ZMYND8: variants seen among roughly 807,000 people sequenced by gnomAD.
ZMYND8 encodes the protein zinc finger MYND-type containing 8.
Under a neutral mutation model 140.8 loss-of-function variants are expected in ZMYND8, and 37 were observed. That is an observed-to-expected ratio of 0.26 (90% CI 0.20 to 0.35). ZMYND8 has a LOEUF of 0.35. Among genes scored for constraint, ZMYND8 ranks in the 10% least tolerant of loss-of-function variants. The pLI, the probability that ZMYND8 is intolerant of heterozygous loss-of-function variation, is 1.00. For missense variants in ZMYND8, 1,068 were observed against 1,570.0 expected, an observed-to-expected ratio of 0.68 and a Z score of 5.40; for synonymous variants, 592 against 597.1, an observed-to-expected ratio of 0.99 and a Z score of 0.12.
At chr20:47,254,303 C>T (rs2074417240) in intron 12 of ZMYND8, among the ~76,000 whole-genome samples, 1 of 152,196 alleles carries the variant, frequency 6.6e-6, no homozygotes, top group African/African-American at 2.4e-5. Context: ...CTTTAGAGGG[C>T]AGTTGGGCGA....
chr20:47,228,087 T>C (rs1419966720), intron 17 of ZMYND8, among the ~76,000 whole-genome samples: 2 of 141,384 alleles, frequency 1.4e-5, no homozygotes, highest in African/African-American at 2.8e-5. Flanking sequence ...AGCGAGACTC[T>C]TCTCAAAAAA....
chr20:47,348,859 A>T (rs1167431848), intron 1 of ZMYND8: 3 of 152,254 alleles, frequency 2.0e-5, no homozygotes, highest in Non-Finnish European at 1.5e-5. Context: ...TTGAGGTGCT[A>T]GAACTTTCCA....
intron 22 of ZMYND8, among the ~76,000 whole-genome samples, chr20:47,211,872 G>A (rs1420561622): frequency 2.0e-5 from 3 of 152,162 alleles, no homozygotes. Context: ...AAAAAGGCAT[G>A]TGTGGGTAAT....
At chr20:47,268,507 A>G (rs532505602) in intron 11 of ZMYND8, among the ~76,000 whole-genome samples, 34 of 151,184 alleles carry the variant, frequency 2.2e-4, no homozygotes, top group African/African-American at 7.5e-4. Context: ...GTTAGCCAGG[A>G]TGGTCTCGAT....
At chr20:47,319,967 C>T (rs1429882793) in intron 2 of ZMYND8, 2 of 152,096 alleles carry the variant, frequency 1.3e-5, no homozygotes, top group African/African-American at 2.4e-5. Context: ...AACCGGTTGC[C>T]TCTGGCCTTT....
chr20:47,294,454 A>C (rs1233636790), intron 5 of ZMYND8, among the ~76,000 whole-genome samples: 2 of 152,210 alleles, frequency 1.3e-5, no homozygotes, highest in Non-Finnish European at 2.9e-5. Flanking sequence ...CTAATGTACC[A>C]ATTAAACTCC....
chr20:47,356,013 AC>A (rs2083205015), intron 1 of ZMYND8, among the ~76,000 whole-genome samples: 1 of 152,112 alleles, frequency 6.6e-6, no homozygotes, highest in Non-Finnish European at 1.5e-5. Flanking sequence ...ATAAGAGAAG[AC>A]CGTGTACAGA....
intron 10 of ZMYND8, among the ~76,000 whole-genome samples, chr20:47,278,601 G>A (rs1443061839): frequency 6.6e-6 from 1 of 151,966 alleles, no homozygotes; most frequent in Non-Finnish European, 1.5e-5. Context: ...AATACAGGCG[G>A]ATTGTTTGCA....
intron 2 of ZMYND8, chr20:47,319,154 G>A (rs1167731500): frequency 4.2e-6 from 3 of 714,920 alleles, no homozygotes; most frequent in Admixed American, 2.6e-5. Context: ...CGCCCGGCGG[G>A]GCAAGGACAC....
intron 2 of ZMYND8, among the ~76,000 whole-genome samples, chr20:47,317,685 C>T (rs1430622625): frequency 6.6e-6 from 1 of 152,164 alleles, no homozygotes; most frequent in Non-Finnish European, 1.5e-5. Flanking sequence ...AGCTGGGTCC[C>T]GGGCAAACCA....
chr20:47,239,051 G>A lies in ZMYND8; in HGVS notation c.2372C>T (p.Ser791Phe). 3 of 1,576,898 alleles carry A rather than the reference G, an allele frequency of 1.9e-6. No homozygotes were observed. The highest frequency in any genetic ancestry group is 2.6e-6 in the Non-Finnish European group (3 of 1,159,386). ...PVLTRSSAQT[S>F]AAGATATTST... The stretch of plus-strand genomic sequence containing the variant: ...GGTGGTGGCTGTGGCGCCAGCCGCG[G>A]AAGTTTGGGCGGAAGAGCGGGTGAG... The change falls in exon 15 of 23, where the codon TCC becomes TTC. Residue 791 changes from serine to phenylalanine, a missense_variant. Physicochemically the swap from Ser to Phe is radical, Grantham distance 155. Transcript: ENST00000471951.
chr20:47,293,516 T>C (rs2077437077), intron 5 of ZMYND8, among the ~76,000 whole-genome samples: 1 of 152,162 alleles, frequency 6.6e-6, no homozygotes, highest in Non-Finnish European at 1.5e-5. Context: ...ATCTCAAAAC[T>C]GAAGGAACTA....
rs966626713 is a variant in ZMYND8, at chr20:47,220,290, G to A, written c.3452C>T (p.Ser1151Phe). 1.5e-5 allele frequency: 24 copies of A among 1,565,134 alleles called. No homozygotes were observed. The highest frequency in any genetic ancestry group is 2.0e-5 in the Non-Finnish European group (23 of 1,153,836). The change falls in exon 21 of 23, where the codon TCC (serine) becomes TTC (phenylalanine). Residue 1151 changes from serine (S) to phenylalanine (F), a missense_variant. By Grantham distance (155) the Ser-to-Phe change is radical. Coordinates refer to ENST00000471951, the MANE Select transcript of ZMYND8 (RefSeq NM_001281775.3). ...LDLSGSRETPSSILLGSNQGS... is the reference protein window; with the variant it reads ...LDLSGSRETPFSILLGSNQGS... ...TTGGTTGGAGCCTAAGAGAATGGAG[G>A]AGGGCGTCTCTCTGGAGCCAGAAAG...
intron 11 of ZMYND8, 45 bp downstream of exon 11, chr20:47,276,269 C>A (rs752522465): frequency 6.7e-7 from 1 of 1,493,686 alleles, no homozygotes; most frequent in Non-Finnish European, 8.9e-7. Flanking sequence ...TGGGAAACCC[C>A]CGTGTCCAAG....
rs117951149 is a variant in ZMYND8, at chr20:47,271,697, T to C, written c.1480+4617A>G. Among the ~76,000 whole-genome samples, 96 of 152,362 alleles carry C rather than the reference T, an allele frequency of 6.3e-4. 2 individuals are homozygous for C. In the East Asian group the frequency reaches 0.018, roughly 28 times the overall value. ...TGACTTTATTTCATTGACTGATCGA[T>C]TGAGATGGAGTCTCGCTCTGTCTCC... On this transcript the variant is annotated intron_variant, in intron 11 of 22. Transcript: ENST00000471951.
At chr20:47,302,435 C>T (rs985188257) in intron 3 of ZMYND8, among the ~76,000 whole-genome samples, 18 of 152,158 alleles carry the variant, frequency 1.2e-4, no homozygotes, top group South Asian at 6.2e-4. Context: ...CCAGCCTGAG[C>T]GAAAGAGCGA....
intron 14 of ZMYND8, among the ~76,000 whole-genome samples, chr20:47,240,940 TG>T (rs922185741): frequency 6.6e-6 from 1 of 152,170 alleles, no homozygotes; most frequent in Admixed American, 6.5e-5. Context: ...CCCGAATAGC[TG>T]GGACTACACG....
chr20:47,317,719 C>A (rs973942896), intron 2 of ZMYND8, among the ~76,000 whole-genome samples: 1 of 152,150 alleles, frequency 6.6e-6, no homozygotes, highest in African/African-American at 2.4e-5. Flanking sequence ...AAGGCATATG[C>A]TCTCATGGGC....
chr20:47,277,788 A>T lies in ZMYND8; in HGVS notation c.999-993T>A, dbSNP rs895588573. Among the ~76,000 whole-genome samples, 4 of 152,182 alleles carry T rather than the reference A, an allele frequency of 2.6e-5. No individual in the cohort carries two copies. The East Asian group carries it at 7.7e-4, about 29-fold the overall frequency. ...TGGGTTCAAGCAATTCTCCTGCCTC[A>T]GCTTCCCAAGTAGCCAGAACTGCAG... On this transcript the variant is annotated intron_variant, in intron 10 of 22. Coordinates refer to ENST00000471951, the MANE Select transcript of ZMYND8 (RefSeq NM_001281775.3).
Sources: allele counts gnomAD v4.1 joint callset (sites outside exome capture counted in the v4.1 genomes callset), GRCh38; gene constraint gnomAD v4.1.1; transcripts MANE v1.5; gene names NCBI Gene and HGNC (gene_info 2026-07-23, HGNC 2026-07-21).